The following BANK1 variants were observed in gnomAD, a reference collection of about 807,000 sequenced individuals.
The protein encoded by BANK1 is B-cell scaffold protein with ankyrin repeats.
A neutral mutation model predicts 94.5 loss-of-function variants in BANK1; 95 were observed. The ratio of observed to expected loss-of-function variants is 1.00; its 90% CI spans 0.85 to 1.19. BANK1 has a LOEUF of 1.19. BANK1 is among the 50% of genes most tolerant of loss of function. BANK1 has a pLI of 0.00. For missense variants in BANK1, 987 were observed against 932.2 expected (o/e 1.06, Z -0.77); for synonymous variants, 334 against 308.4 (o/e 1.08, Z -0.87).
intron 11 of BANK1, among the ~76,000 whole-genome samples, 185 bp from the exon 12 acceptor site, chr4:102,060,026 A>C (rs1055206247): frequency 6.6e-6 from 1 of 152,022 alleles, no homozygotes; most frequent in Admixed American, 6.6e-5. Flanking sequence ...TTTTTCACCC[A>C]TAAGACTAGT....
Position 101,790,948 on chromosome 4 carries a change from C to A in BANK1, c.68C>A (p.Pro23Gln), listed in dbSNP as rs781234477. 7.3e-6 allele frequency: 11 copies of A among 1,515,846 alleles called. No individual in the cohort carries two copies. In the Admixed American group the frequency reaches 1.5e-4, roughly 20 times the overall value. The allele number at this position is 1,515,846 out of a possible 1,614,324, so 93.9% of individuals were successfully genotyped here. A position where few individuals can be genotyped will look rare whatever the true frequency, so the allele number is the denominator to read the frequency against. The change falls in exon 1 of 17, where the codon CCA becomes CAA. Residue 23 changes from proline (P) to glutamine (Q), a missense_variant and splice_region_variant. Physicochemically the swap from Pro to Gln is moderately conservative, Grantham distance 76. Coordinates refer to ENST00000322953, the MANE Select transcript of BANK1 (RefSeq NM_017935.5). The stretch of plus-strand genomic sequence containing the variant: ...CCCGCCCCCTGCGGCCCAGCGCCCC[C>A]AGGTGGGTAGTCGCGCATTCGGAGG... Reference protein sequence around the residue: ...PDPAPCGPAPPGNTKDIIMIY... With the variant: ...PDPAPCGPAPQGNTKDIIMIY...
chr4:101,906,701 G>A (rs1722463334), intron 6 of BANK1, among the ~76,000 whole-genome samples: 1 of 152,148 alleles, frequency 6.6e-6, no homozygotes, highest in African/African-American at 2.4e-5. Flanking sequence ...CCCCACACCT[G>A]TACCATTGTT....
At chr4:102,052,017 C>A (rs1336736076) in intron 11 of BANK1, among the ~76,000 whole-genome samples, 1 of 152,026 alleles carries the variant, frequency 6.6e-6, no homozygotes, top group African/African-American at 2.4e-5. Flanking sequence ...TTTCTGCAGT[C>A]CCAGGAATTT....
intron 11 of BANK1, among the ~76,000 whole-genome samples, chr4:102,049,432 C>T (rs577284034): frequency 1.6e-4 from 25 of 152,196 alleles, no homozygotes; most frequent in Non-Finnish European, 3.4e-4. Flanking sequence ...CCCATCTTAC[C>T]GTGGATATGA....
intron 10 of BANK1, chr4:102,032,131 T>C (rs1271886895): frequency 6.6e-6 from 1 of 152,218 alleles, no homozygotes; most frequent in East Asian, 1.9e-4. Context: ...TAAATACCAG[T>C]AAATACTTTT....
chr4:101,910,166 C>G (rs1722614860), intron 6 of BANK1, among the ~76,000 whole-genome samples: 1 of 151,958 alleles, frequency 6.6e-6, no homozygotes, highest in South Asian at 2.1e-4. Flanking sequence ...GCTGCCATCT[C>G]TCTTCACATT....
At chr4:101,951,642 G>A (rs1265793217) in intron 7 of BANK1, among the ~76,000 whole-genome samples, 1 of 151,906 alleles carries the variant, frequency 6.6e-6, no homozygotes, top group Non-Finnish European at 1.5e-5. Context: ...GGATGTTTAT[G>A]GACTACAATG....
At chr4:101,906,867 C>T (rs1201987081) in intron 6 of BANK1, among the ~76,000 whole-genome samples, 1 of 152,180 alleles carries the variant, frequency 6.6e-6, no homozygotes, top group African/African-American at 2.4e-5. Context: ...CCAAGACCAC[C>T]TCAGTTGGGG....
chr4:101,814,033 T>G (rs1725811438), intron 1 of BANK1: 2 of 354,850 alleles, frequency 5.6e-6, no homozygotes, highest in Non-Finnish European at 3.9e-6. Context: ...TTTAGAGGGG[T>G]TTGCTAAAGT....
At chr4:101,897,039 T>C (rs1722107195) in intron 6 of BANK1, among the ~76,000 whole-genome samples, 2 of 151,956 alleles carry the variant, frequency 1.3e-5, no homozygotes, top group African/African-American at 2.4e-5. Context: ...TATTTGGAAA[T>C]TATTTCAAAA....
chr4:101,887,528 AC>A (rs2148887927), intron 5 of BANK1, among the ~76,000 whole-genome samples: 1 of 152,292 alleles, frequency 6.6e-6, no homozygotes, highest in Non-Finnish European at 1.5e-5. Context: ...ATCTACACTT[AC>A]AAGATTACAT....
rs1166651726 is a variant in BANK1 at position 102,060,272 on chromosome 4, G to C, written c.2031G>C (p.Gln677His). Reference protein sequence around the residue: ...STLRGCLTDGQEELILLQEKV... With the variant: ...STLRGCLTDGHEELILLQEKV... ...TCAGGGGCTGTCTAACTGATGGTCA[G>C]GAAGAACTCATCCTCCTGCAGGAGA... is the stretch of plus-strand genomic sequence containing the variant. Residue 677 changes from glutamine (Q) to histidine (H), a missense_variant, in exon 12 of 17, where the codon CAG becomes CAC. Physicochemically the swap from Gln to His is conservative, Grantham distance 24 (BLOSUM62 0). Transcript: ENST00000322953. The C allele has an allele frequency of 6.2e-7, 1 of 1,609,544 alleles. No individual in the cohort carries two copies. The highest frequency in any genetic ancestry group is 2.2e-5 in the East Asian group (1 of 44,466).
intron 2 of BANK1, among the ~76,000 whole-genome samples, chr4:101,850,161 A>T (rs893376348): frequency 2.6e-5 from 4 of 152,112 alleles, no homozygotes; most frequent in African/African-American, 9.7e-5. Context: ...AACTGTAAAA[A>T]CTCATTAGAG....
Position 102,029,976 on chromosome 4 carries a change from C to T in BANK1, c.1611C>T (p.Gly537=). ...CATAAACAGGGACAATGGTGGAAGG[C>T]CAAATGGAAAGAAGTCAAAACTGGG... is the stretch of plus-strand genomic sequence containing the variant. ...HFTLPGTMVE[G]QMERSQNWGH... The change falls in exon 10 of 17, where the codon GGC becomes GGT. Residue 537 remains glycine, a synonymous_variant. Coordinates refer to ENST00000322953, the MANE Select transcript of BANK1 (RefSeq NM_017935.5). 3.7e-6 allele frequency: 6 copies of T among 1,605,842 alleles called. No individual in the cohort carries two copies. In the East Asian group the frequency reaches 1.3e-4, roughly 36 times the overall value.
chr4:102,001,900 T>C (rs1726089709), intron 7 of BANK1, among the ~76,000 whole-genome samples: 1 of 152,178 alleles, frequency 6.6e-6, no homozygotes, highest in Non-Finnish European at 1.5e-5. Context: ...TTTGGAAGCT[T>C]AACAATGTTA....
chr4:101,903,884 A>C (rs1368079276), intron 6 of BANK1, among the ~76,000 whole-genome samples: 1 of 152,234 alleles, frequency 6.6e-6, no homozygotes, highest in African/African-American at 2.4e-5. Context: ...AGCTGTAATT[A>C]AACCAGCACG....
At chr4:101,973,806 G>C (rs1288241798) in intron 7 of BANK1, among the ~76,000 whole-genome samples, 1 of 151,992 alleles carries the variant, frequency 6.6e-6, no homozygotes, top group Non-Finnish European at 1.5e-5. Context: ...TTTCTACATA[G>C]TCTATGAAAT....
chr4:102,030,046 GAA>G lies in BANK1; in HGVS notation c.1685_1686del (p.Lys562ArgfsTer20). 6.2e-7 allele frequency: 1 copy of G among 1,613,762 alleles called. No individual in the cohort carries two copies. The highest frequency in any genetic ancestry group is 1.3e-5 in the African/African-American group (1 of 74,970). On this transcript the variant is annotated frameshift_variant, in exon 10 of 17. Coordinates refer to ENST00000322953, the MANE Select transcript of BANK1 (RefSeq NM_017935.5). LOFTEE classifies it high-confidence loss of function. Reference protein sequence around the residue: ...RQETGDEPKGEKEKKEEEKEQ... With the variant: ...RQETGDEPKGXKEKKEEEKEQ... ...AGAAACAGGAGATGAACCCAAAGGAGAAAAAGAGAAGAAAGAAGAGGAAAAAG... is the reference window on the plus strand; with the variant it reads ...AGAAACAGGAGATGAACCCAAAGGAGAAAGAGAAGAAAGAAGAGGAAAAAG...
intron 1 of BANK1, among the ~76,000 whole-genome samples, chr4:101,791,926 T>C (rs1725001264): frequency 6.6e-6 from 1 of 152,334 alleles, no homozygotes; most frequent in South Asian, 2.1e-4. Flanking sequence ...TATTAATATT[T>C]TAACTATTGC....
Sources: gnomAD v4.1 joint callset for allele counts (sites outside exome capture counted in the v4.1 genomes callset) on GRCh38, gnomAD v4.1.1 for gene constraint, MANE v1.5 for transcripts, NCBI Gene and HGNC (gene_info 2026-07-23, HGNC 2026-07-21) for gene names.